The following CHD6 variants were observed in gnomAD, a reference collection of about 807,000 sequenced individuals.
CHD6 encodes ATP-dependent chromatin remodeler CHD6.
In CHD6, 50 loss-of-function variants were observed where a neutral mutation model predicts 276.9. The ratio of observed to expected loss-of-function variants is 0.18; its 90% CI spans 0.14 to 0.23. The LOEUF is 0.23. Ranked by LOEUF, CHD6 falls within the 10% of genes least tolerant of loss-of-function variation. CHD6 has a pLI of 1.00. For missense variants in CHD6, 2,564 were observed against 3,365.8 expected (o/e 0.76, Z 5.89); for synonymous variants, 1,173 against 1,229.3 (o/e 0.95, Z 0.96).
chr20:41,609,861 T>TC (rs2045868056), intron 1 of CHD6, among the ~76,000 whole-genome samples: 1 of 132,778 alleles, frequency 7.5e-6, no homozygotes, highest in African/African-American at 3.7e-5. Flanking sequence ...TTTTCTTTTT[T>TC]TTTTTTTTTT....
chr20:41,507,933 T>C (rs1210887973), intron 5 of CHD6, among the ~76,000 whole-genome samples: 3 of 152,080 alleles, frequency 2.0e-5, no homozygotes, highest in Non-Finnish European at 4.4e-5. Flanking sequence ...CCAAGTGCCA[T>C]GGAATATACA....
At chr20:41,449,440 G>T (rs1420990034) in intron 23 of CHD6, among the ~76,000 whole-genome samples, 1 of 152,150 alleles carries the variant, frequency 6.6e-6, no homozygotes, top group African/African-American at 2.4e-5. Flanking sequence ...AAACAAATGT[G>T]TTGACGTCTA....
intron 3 of CHD6, 104 bp from the exon 4 acceptor site, chr20:41,515,056 G>A: frequency 8.0e-7 from 1 of 1,245,372 alleles, no homozygotes; most frequent in Non-Finnish European, 1.1e-6. Flanking sequence ...CTAGGACCAG[G>A]GCAGGCTTTA....
chr20:41,577,835 C>A (rs184500310), intron 1 of CHD6, among the ~76,000 whole-genome samples: 15 of 152,340 alleles, frequency 9.8e-5, no homozygotes, highest in Non-Finnish European at 1.5e-5. Context: ...CACATCTTAG[C>A]CCTTGCTAGT....
intron 1 of CHD6, among the ~76,000 whole-genome samples, chr20:41,563,291 C>T (rs925207106): frequency 6.6e-6 from 1 of 152,198 alleles, no homozygotes; most frequent in African/African-American, 2.4e-5. Flanking sequence ...TGCTGAATAA[C>T]AAGGCTTTTA....
At chr20:41,587,881 G>C (rs1249895807) in intron 1 of CHD6, among the ~76,000 whole-genome samples, 4 of 152,076 alleles carry the variant, frequency 2.6e-5, no homozygotes, top group Non-Finnish European at 5.9e-5. Flanking sequence ...TCTCAAATTT[G>C]AAATGGAATG....
intron 3 of CHD6, among the ~76,000 whole-genome samples, chr20:41,528,642 G>GTA (rs957385150): frequency 6.6e-6 from 1 of 152,128 alleles, no homozygotes; most frequent in Non-Finnish European, 1.5e-5. Flanking sequence ...AGCTATTGGG[G>GTA]AGACCCCATC....
intron 1 of CHD6, among the ~76,000 whole-genome samples, chr20:41,591,610 T>C (rs1210562897): frequency 1.3e-5 from 2 of 152,026 alleles, no homozygotes; most frequent in Non-Finnish European, 2.9e-5. Flanking sequence ...GGAGAATCAC[T>C]TGAACCCGGG....
At chr20:41,419,120 G>C (rs1333479435) in intron 31 of CHD6, among the ~76,000 whole-genome samples, 2 of 152,158 alleles carry the variant, frequency 1.3e-5, no homozygotes, top group Non-Finnish European at 2.9e-5. Context: ...CATAGTTGTA[G>C]ACTGGCTCCT....
intron 2 of CHD6, among the ~76,000 whole-genome samples, chr20:41,539,609 T>C (rs1470972590): frequency 6.6e-6 from 1 of 152,058 alleles, no homozygotes; most frequent in Non-Finnish European, 1.5e-5. Flanking sequence ...GCCCAGGGAG[T>C]GACCTTAAGA....
At chr20:41,535,023 T>C (rs2044795654) in intron 2 of CHD6, among the ~76,000 whole-genome samples, 1 of 152,150 alleles carries the variant, frequency 6.6e-6, no homozygotes, top group African/African-American at 2.4e-5. Context: ...TTGCTTAGCA[T>C]GCAAGGGTGT....
At chr20:41,491,288 C>A (rs2043547423) in intron 11 of CHD6, among the ~76,000 whole-genome samples, 1 of 147,166 alleles carries the variant, frequency 6.8e-6, no homozygotes, top group Non-Finnish European at 1.5e-5. Context: ...TTTTGTATAG[C>A]TGTATATTCC....
chr20:41,518,855 T>G lies in CHD6; in HGVS notation c.555-3903A>C, dbSNP rs139817654. 2.6e-3 allele frequency among the ~76,000 whole-genome samples: 397 copies of G among 152,300 alleles called. 2 individuals are homozygous for G. Among genetic ancestry groups the G allele is most frequent in the African/African-American group, 9.0e-3 (376 of 41,570 alleles). ...CAGATAAGGTATATATTTCTGCTCTTTGGAAAAAGTTTTAAAAACCTTATG... is the reference window on the plus strand; with the variant it reads ...CAGATAAGGTATATATTTCTGCTCTGTGGAAAAAGTTTTAAAAACCTTATG... On this transcript the variant is annotated intron_variant, in intron 3 of 36. Coordinates refer to ENST00000373233, the MANE Select transcript of CHD6 (RefSeq NM_032221.5).
intron 3 of CHD6, among the ~76,000 whole-genome samples, chr20:41,527,769 T>G (rs903338434): frequency 1.3e-5 from 2 of 152,184 alleles, no homozygotes; most frequent in Admixed American, 1.3e-4. Context: ...AATTCCTGTG[T>G]TGGAAACCTC....
intron 17 of CHD6, among the ~76,000 whole-genome samples, chr20:41,469,199 T>A (rs2042998113): frequency 6.6e-6 from 1 of 152,106 alleles, no homozygotes. Context: ...GCAGCTGCAT[T>A]ATCTTGTGGC....
intron 1 of CHD6, among the ~76,000 whole-genome samples, chr20:41,584,608 T>C (rs145553416): frequency 6.6e-6 from 1 of 152,172 alleles, no homozygotes; most frequent in African/African-American, 2.4e-5. Flanking sequence ...TTTGAAAGAA[T>C]TAAAATTATA....
intron 3 of CHD6, among the ~76,000 whole-genome samples, chr20:41,526,561 A>T (rs552782224): frequency 2.0e-5 from 3 of 152,182 alleles, no homozygotes; most frequent in African/African-American, 4.8e-5. Context: ...TGGTTATATA[A>T]TCAGAAGGCC....
chr20:41,461,251 T>A (rs2048538609), intron 17 of CHD6, among the ~76,000 whole-genome samples: 1 of 152,216 alleles, frequency 6.6e-6, no homozygotes, highest in African/African-American at 2.4e-5. Context: ...TGTGGACTTT[T>A]GGGTTAATGC....
chr20:41,425,379 T>G lies in CHD6; in HGVS notation c.4145A>C (p.Asp1382Ala). Residue 1382 changes from aspartate to alanine, a missense_variant, in exon 29 of 37, where the codon GAC (aspartate) becomes GCC (alanine). Coordinates refer to ENST00000373233, the MANE Select transcript of CHD6 (RefSeq NM_032221.5). ...DDSRAAQDGS[D>A]PDKSPWPVSS... The stretch of plus-strand genomic sequence containing the variant: ...AACTGGCCAGGGCGATTTGTCTGGG[T>G]CGGAGCCATCCTGGGCTTCAAACAT... The G allele has an allele frequency of 6.2e-7, 1 of 1,613,892 alleles. No homozygotes were observed. Among genetic ancestry groups the G allele is most frequent in the Non-Finnish European group, 8.5e-7 (1 of 1,179,982 alleles).
Sources: gnomAD v4.1 joint callset for allele counts (sites outside exome capture counted in the v4.1 genomes callset) on GRCh38, gnomAD v4.1.1 for gene constraint, MANE v1.5 for transcripts, NCBI Gene and HGNC (gene_info 2026-07-23, HGNC 2026-07-21) for gene names.